Variants in THNSL1 observed in about 807,000 individuals in gnomAD.
THNSL1 encodes threonine synthase like 1, also known as threonine synthase-like 1.
In THNSL1, 48 loss-of-function variants were observed where a neutral mutation model predicts 50.4. The ratio of observed to expected loss-of-function variants is 0.95; its 90% CI spans 0.76 to 1.21. THNSL1 has a LOEUF of 1.21. Among genes scored for constraint, THNSL1 ranks in the 50% most tolerant of loss-of-function variants. THNSL1 has a pLI of 0.00. For synonymous variants in THNSL1, 309 were observed against 306.1 expected (o/e 1.01, Z -0.10); for missense variants, 896 against 871.7 (o/e 1.03, Z -0.35).
chr10:25,003,357 C>T, the THNSL1 span, among the ~76,000 whole-genome samples: 1 of 152,076 alleles, frequency 6.6e-6, no homozygotes, highest in East Asian at 1.9e-4. Flanking sequence ...CAGGCATGCA[C>T]CGCCATGCCT....
rs78579526 is a variant in THNSL1 at position 25,025,668 on chromosome 10, G to A, written c.*213G>A. The A allele has an allele frequency of 1.3e-5, 7 of 533,852 alleles. 1 individual carries two copies. In the South Asian group the frequency reaches 1.7e-4, roughly 13 times the overall value. The allele number at this position is 533,852 out of a possible 1,614,324, so 33.1% of individuals were successfully genotyped here. On this transcript the variant is annotated 3_prime_UTR_variant, in exon 3 of 3. Coordinates refer to ENST00000376356, the MANE Select transcript of THNSL1 (RefSeq NM_024838.5). ...AGTGACAAAAGGTAACACAGTGCAC[G>A]GACCTTTGAGCTATCATACTTTTGC...
At chr10:24,974,600 T>C in the THNSL1 span, among the ~76,000 whole-genome samples, 2 of 152,374 alleles carry the variant, frequency 1.3e-5, no homozygotes, top group East Asian at 3.9e-4. Context: ...GGCATTTGGC[T>C]TATATTTTTG....
rs1352745152 is a variant in THNSL1, at chr10:25,024,285, T to C, written c.1062T>C (p.Ser354=). 6.2e-7 allele frequency: 1 copy of C among 1,614,214 alleles called. No individual in the cohort carries two copies. The highest frequency in any genetic ancestry group is 8.5e-7 in the Non-Finnish European group (1 of 1,180,034). The part of the protein sequence containing the change: ...HGPTGSFKDL[S]LQLMPHIFAH... ...CAACAGGATCATTTAAAGATTTGTC[T>C]TTACAGCTTATGCCTCATATTTTTG... Residue 354 remains serine (S), a synonymous_variant, in exon 3 of 3, where the codon TCT becomes TCC. Transcript: ENST00000376356.
the THNSL1 span, among the ~76,000 whole-genome samples, chr10:24,991,550 G>A: frequency 1.3e-5 from 2 of 152,120 alleles, no homozygotes; most frequent in African/African-American, 2.4e-5. Flanking sequence ...GCAGGCCATC[G>A]ATCAGTGGAA....
chr10:24,984,750 A>C, the THNSL1 span: 3 of 1,609,974 alleles, frequency 1.9e-6, no homozygotes, highest in East Asian at 4.5e-5. Context: ...TGGCAATATA[A>C]ATAATCTTGT....
chr10:25,000,565 A>G, the THNSL1 span, among the ~76,000 whole-genome samples: 1 of 152,096 alleles, frequency 6.6e-6, no homozygotes, highest in Non-Finnish European at 1.5e-5. Context: ...CTATAAAATA[A>G]CACTCTATTC....
the THNSL1 span, chr10:24,984,272 G>A: frequency 1.5e-6 from 2 of 1,347,390 alleles, no homozygotes; most frequent in South Asian, 3.0e-5. Flanking sequence ...GTGGAGCTCA[G>A]AAACAATGTG....
In THNSL1 at chr10:25,025,679, C is replaced by T. The variant is rs1378970534; in HGVS notation, c.*224C>T. 3 of 496,258 alleles carry T rather than the reference C, an allele frequency of 6.0e-6. No individual in the cohort carries two copies. Among genetic ancestry groups the T allele is most frequent in the South Asian group, 6.8e-5 (2 of 29,504 alleles). The allele number at this position is 496,258 out of a possible 1,614,324, so 30.7% of individuals were successfully genotyped here. The stretch of plus-strand genomic sequence containing the variant: ...GTAACACAGTGCACGGACCTTTGAG[C>T]TATCATACTTTTGCCTTCTGCTCAT... On this transcript the variant is annotated 3_prime_UTR_variant, in exon 3 of 3. Coordinates refer to ENST00000376356, the MANE Select transcript of THNSL1 (RefSeq NM_024838.5).
At chr10:24,952,542 C>A in the THNSL1 span, 8 of 1,590,636 alleles carry the variant, frequency 5.0e-6, no homozygotes, top group South Asian at 1.1e-5. The surrounding 1 kb of genome is among the most constrained non-coding windows in gnomAD (Gnocchi z 5.1). Context: ...ACGCCTCGCC[C>A]GTAGTCTGGC....
chr10:24,955,165 G>A, the THNSL1 span, among the ~76,000 whole-genome samples: 1 of 152,174 alleles, frequency 6.6e-6, no homozygotes. Context: ...AGAGAGCAAG[G>A]GTGTAGTGCC....
the THNSL1 span, among the ~76,000 whole-genome samples, chr10:24,952,373 C>A: frequency 6.6e-6 from 1 of 152,034 alleles, no homozygotes; most frequent in African/African-American, 2.4e-5. This position sits in a 1 kb window ranked among gnomAD's most constrained non-coding sequence, Gnocchi z 5.1. Flanking sequence ...GGAGAGGAGG[C>A]CCGGGTCCGA....
upstream of THNSL1, among the ~76,000 whole-genome samples, chr10:25,013,252 C>T (rs1029086908): frequency 2.0e-5 from 3 of 152,100 alleles, no homozygotes; most frequent in Admixed American, 6.5e-5. Flanking sequence ...GACTAATATA[C>T]TATGTTCTAT....
At chr10:24,979,153 T>C in the THNSL1 span, among the ~76,000 whole-genome samples, 1 of 152,230 alleles carries the variant, frequency 6.6e-6, no homozygotes, top group Non-Finnish European at 1.5e-5. Flanking sequence ...ACATATGATG[T>C]TCACCAGCAT....
chr10:25,016,741 C>G (rs1172987171), intron 1 of THNSL1, 49 bp downstream of exon 1: 1 of 152,416 alleles, frequency 6.6e-6, no homozygotes, highest in African/African-American at 2.4e-5. Flanking sequence ...GTGGACACTG[C>G]TCCCCCATTT....
chr10:24,952,489 G>C, the THNSL1 span: 1 of 1,559,064 alleles, frequency 6.4e-7, no homozygotes, highest in Non-Finnish European at 8.7e-7. This position sits in a 1 kb window ranked among gnomAD's most constrained non-coding sequence, Gnocchi z 5.1. Flanking sequence ...GGGAGGGAGG[G>C]GAGCGGGCCG....
chr10:25,004,853 G>A, the THNSL1 span, among the ~76,000 whole-genome samples: 3 of 152,276 alleles, frequency 2.0e-5, no homozygotes, highest in Middle Eastern at 3.4e-3. Context: ...TGTCCTGAAT[G>A]GTATTGCCTA....
chr10:24,970,560 A>G, the THNSL1 span, among the ~76,000 whole-genome samples: 1 of 151,888 alleles, frequency 6.6e-6, no homozygotes, highest in African/African-American at 2.4e-5. Flanking sequence ...AAAAAAATTA[A>G]AAATTAGCTA....
At chr10:24,961,380 A>G in the THNSL1 span, among the ~76,000 whole-genome samples, 1 of 152,242 alleles carries the variant, frequency 6.6e-6, no homozygotes, top group African/African-American at 2.4e-5. Flanking sequence ...TTGTATAAAT[A>G]TATAAATAAA....
the THNSL1 span, among the ~76,000 whole-genome samples, chr10:24,986,978 T>C: frequency 6.6e-6 from 1 of 152,146 alleles, no homozygotes; most frequent in Admixed American, 6.5e-5. Context: ...AATAAGAAGT[T>C]TTCAGTTTCA....
Sources: gnomAD v4.1 joint callset for allele counts (sites outside exome capture counted in the v4.1 genomes callset) on GRCh38, gnomAD v4.1.1 for gene constraint, Gnocchi (gnomAD v3.1) non-coding constraint, MANE v1.5 for transcripts, NCBI Gene and HGNC (gene_info 2026-07-23, HGNC 2026-07-21) for gene names.